Variants in GLT1D1 observed in about 807,000 individuals in gnomAD.
The protein encoded by GLT1D1 is glycosyltransferase 1 domain containing 1, also known as glycosyltransferase 1 domain-containing protein 1.
Under a neutral mutation model 28.7 loss-of-function variants are expected in GLT1D1, and 21 were observed. The observed-to-expected ratio is 0.73, with a 90% confidence interval of 0.52 to 1.05. The LOEUF is 1.05. GLT1D1 is among the 50% of genes least tolerant of loss of function. The pLI, the probability that GLT1D1 is intolerant of heterozygous loss-of-function variation, is 0.00. For synonymous variants in GLT1D1, 147 were observed against 124.8 expected (o/e 1.18, Z -1.19); for missense variants, 343 against 330.6 (o/e 1.04, Z -0.29).
chr12:128,875,901 T>G lies in GLT1D1; in HGVS notation c.69-13T>G. On this transcript the variant is annotated splice_polypyrimidine_tract_variant and intron_variant, in intron 1 of 7. Transcript: ENST00000281703. ...CCCCTCATCTTCTCCTTTCTCTGTATTTTTTGATAAAGGGCCCATCTAGAG... is the reference window on the plus strand; with the variant it reads ...CCCCTCATCTTCTCCTTTCTCTGTAGTTTTTGATAAAGGGCCCATCTAGAG... 3 of 1,608,716 alleles carry G rather than the reference T, an allele frequency of 1.9e-6. No homozygotes were observed. Among genetic ancestry groups the G allele is most frequent in the Non-Finnish European group, 2.5e-6 (3 of 1,177,340 alleles).
intron 4 of GLT1D1, among the ~76,000 whole-genome samples, chr12:128,920,728 G>T (rs758145981): frequency 6.6e-6 from 1 of 152,122 alleles, no homozygotes; most frequent in Non-Finnish European, 1.5e-5. Context: ...ATGCCAGATC[G>T]TGAAAACAAC....
intron 1 of GLT1D1, among the ~76,000 whole-genome samples, chr12:128,868,397 A>G (rs1448368473): frequency 6.6e-6 from 1 of 151,680 alleles, no homozygotes; most frequent in Non-Finnish European, 1.5e-5. Flanking sequence ...AGTAAGTGCC[A>G]GGGAGGGTCG....
intron 1 of GLT1D1, 108 bp downstream of exon 1, chr12:128,853,757 G>C (rs532744077): frequency 0.012 from 8,811 of 743,582 alleles, 88 homozygotes; most frequent in Non-Finnish European, 0.014. Flanking sequence ...CAGCCGCGCC[G>C]GGGCCGTCCC....
chr12:128,948,822 G>T (rs1876395503), intron 6 of GLT1D1, among the ~76,000 whole-genome samples: 1 of 152,048 alleles, frequency 6.6e-6, no homozygotes, highest in Non-Finnish European at 1.5e-5. Context: ...GACTGACGTT[G>T]TATGCATAAT....
At chr12:128,925,100 T>A (rs934821528) in intron 4 of GLT1D1, among the ~76,000 whole-genome samples, 1 of 152,178 alleles carries the variant, frequency 6.6e-6, no homozygotes, top group Non-Finnish European at 1.5e-5. Flanking sequence ...TATATGTATG[T>A]GAGGTGTACA....
intron 4 of GLT1D1, among the ~76,000 whole-genome samples, chr12:128,941,028 T>A (rs150970005): frequency 1.5e-3 from 229 of 152,374 alleles, no homozygotes; most frequent in African/African-American, 5.4e-3. Flanking sequence ...ATCTACTTTC[T>A]GTCTCTGTGA....
chr12:128,981,309 T>C, intron 7 of GLT1D1, among the ~76,000 whole-genome samples: 1 of 152,194 alleles, frequency 6.6e-6, no homozygotes, highest in Non-Finnish European at 1.5e-5. Context: ...AAAAGGGCCA[T>C]GCATTCTGTA....
At chr12:128,939,837 A>ACCCCCCCCCC (rs34870104) in intron 4 of GLT1D1, among the ~76,000 whole-genome samples, 3 of 97,600 alleles carry the variant, frequency 3.1e-5, no homozygotes, top group African/African-American at 4.7e-5. Flanking sequence ...ATTGTTAGAA[A>ACCCCCCCCCC]CCCCCCCCCA....
chr12:128,868,156 G>A lies in GLT1D1; in HGVS notation c.69-7758G>A, dbSNP rs74353449. ...CAGGGACAGGAGTCCACTTATCTCC[G>A]TCTCCTGCATCTGCTTCCCTCTCCT... On this transcript the variant is annotated intron_variant, in intron 1 of 7. Transcript: ENST00000281703. Among the ~76,000 whole-genome samples, 467 of 152,306 alleles carry A rather than the reference G, an allele frequency of 3.1e-3. 1 individual carries two copies. Among genetic ancestry groups the A allele is most frequent in the African/African-American group, 0.011 (437 of 41,568 alleles).
intron 1 of GLT1D1, among the ~76,000 whole-genome samples, chr12:128,874,393 G>A (rs2135793847): frequency 6.6e-6 from 1 of 151,266 alleles, no homozygotes; most frequent in Admixed American, 6.6e-5. Context: ...TGTTGGCCAG[G>A]CTGGTCTTGA....
intron 2 of GLT1D1, 65 bp downstream of exon 2, chr12:128,876,127 T>C (rs1465217318): frequency 7.1e-7 from 1 of 1,406,152 alleles, no homozygotes; most frequent in Non-Finnish European, 9.8e-7. Flanking sequence ...GCCTGTAATG[T>C]CCAATAACAC....
chr12:128,864,759 G>A (rs369261354), intron 1 of GLT1D1, among the ~76,000 whole-genome samples: 10 of 152,164 alleles, frequency 6.6e-5, no homozygotes, highest in Middle Eastern at 6.8e-3. Flanking sequence ...TGTGGGGGTG[G>A]TTAACTCCTG....
chr12:128,914,358 C>T (rs777308703), intron 4 of GLT1D1, among the ~76,000 whole-genome samples: 1 of 152,068 alleles, frequency 6.6e-6, no homozygotes, highest in Non-Finnish European at 1.5e-5. Flanking sequence ...CCCCTAACCC[C>T]GTTTGGGCCT....
intron 2 of GLT1D1, among the ~76,000 whole-genome samples, chr12:128,882,723 G>A (rs1033340186): frequency 3.9e-5 from 6 of 152,016 alleles, no homozygotes; most frequent in African/African-American, 1.4e-4. Context: ...CCGATCCATC[G>A]TTTCAAGTGT....
intron 7 of GLT1D1, among the ~76,000 whole-genome samples, chr12:128,970,788 C>T (rs577228988): frequency 1.3e-5 from 2 of 152,206 alleles, no homozygotes; most frequent in Non-Finnish European, 2.9e-5. Context: ...TTTCCTCTGT[C>T]CCCGCACCTG....
At chr12:128,920,049 A>G (rs1246155469) in intron 4 of GLT1D1, among the ~76,000 whole-genome samples, 4 of 150,522 alleles carry the variant, frequency 2.7e-5, no homozygotes, top group African/African-American at 7.4e-5. Flanking sequence ...TATAATGGAA[A>G]CTCAAATTTG....
intron 1 of GLT1D1, among the ~76,000 whole-genome samples, chr12:128,854,881 A>G (rs1325547417): frequency 6.6e-6 from 1 of 152,198 alleles, no homozygotes; most frequent in Non-Finnish European, 1.5e-5. Flanking sequence ...TCATAAGCAG[A>G]AATGACCAAG....
intron 7 of GLT1D1, among the ~76,000 whole-genome samples, 179 bp downstream of exon 11, chr12:128,957,822 C>G (rs1422139170): frequency 6.6e-6 from 1 of 152,190 alleles, no homozygotes; most frequent in Non-Finnish European, 1.5e-5. Context: ...CTAGCAGAAG[C>G]CTAGGGAACA....
rs2135565471 is a variant in GLT1D1, at chr12:128,983,569, A to C, written c.*479A>C. The C allele has an allele frequency of 6.4e-6, 1 of 156,772 alleles. No individual in the cohort carries two copies. The highest frequency in any genetic ancestry group is 6.1e-5 in the Admixed American group (1 of 16,312). The allele number at this position is 156,772 out of a possible 1,614,324, so 9.7% of individuals were successfully genotyped here. A position where few individuals can be genotyped will look rare whatever the true frequency, so the allele number is the denominator to read the frequency against. On this transcript the variant is annotated 3_prime_UTR_variant, in exon 8 of 8. Coordinates refer to ENST00000281703, the MANE Select transcript of GLT1D1 (RefSeq NM_144669.3). The surrounding 1 kb of genome is among the most constrained non-coding windows in gnomAD (Gnocchi z 4.7). ...GCAGGATTTTTGTTGTGATCTCAGGACTCTGACAGGCACGTGGGTGACCCG... is the reference window on the plus strand; with the variant it reads ...GCAGGATTTTTGTTGTGATCTCAGGCCTCTGACAGGCACGTGGGTGACCCG...
Sources: gnomAD v4.1 joint callset for allele counts (sites outside exome capture counted in the v4.1 genomes callset) on GRCh38, gnomAD v4.1.1 for gene constraint, Gnocchi (gnomAD v3.1) non-coding constraint, MANE v1.5 for transcripts, NCBI Gene and HGNC (gene_info 2026-07-23, HGNC 2026-07-21) for gene names.